The following SESN1 variants were observed in gnomAD, a reference collection of about 807,000 sequenced individuals.
The protein encoded by SESN1 is sestrin-1.
SESN1 carries 30 observed loss-of-function variants against 59.3 expected under a neutral mutation model. That is an observed-to-expected ratio of 0.51 (90% CI 0.38 to 0.69). SESN1 has a LOEUF of 0.69. Ranked by LOEUF, SESN1 falls within the 30% of genes least tolerant of loss-of-function variation. The pLI is 0.00. For synonymous variants in SESN1, 197 were observed against 219.9 expected (o/e 0.90, Z 0.92); for missense variants, 566 against 673.0 (o/e 0.84, Z 1.76).
At chr6:109,043,334 T>C (rs1181039183) in intron 1 of SESN1, among the ~76,000 whole-genome samples, 1 of 152,092 alleles carries the variant, frequency 6.6e-6, no homozygotes, top group East Asian at 1.9e-4. Context: ...CTGGAAGTTC[T>C]AGTCAGGGCA....
intron 1 of SESN1, among the ~76,000 whole-genome samples, chr6:109,017,433 C>T (rs1408209456): frequency 6.6e-6 from 1 of 152,028 alleles, no homozygotes; most frequent in African/African-American, 2.4e-5. Flanking sequence ...CTACAGGCAC[C>T]CACCACCACA....
intron 8 of SESN1, 141 bp from the exon 9 acceptor site, chr6:108,988,828 A>G (rs1162826907): frequency 6.7e-6 from 4 of 596,746 alleles, no homozygotes; most frequent in African/African-American, 5.7e-5. Context: ...ATAGAGCTTT[A>G]TAACTGCAGA....
chr6:109,014,507 A>G (rs1344091780), intron 1 of SESN1, among the ~76,000 whole-genome samples: 1 of 152,238 alleles, frequency 6.6e-6, no homozygotes, highest in Admixed American at 6.5e-5. Flanking sequence ...TACCGAATAT[A>G]TATTTACAAT....
chr6:108,989,786 T>C (rs1001198909), intron 8 of SESN1, among the ~76,000 whole-genome samples: 9 of 152,178 alleles, frequency 5.9e-5, no homozygotes, highest in Non-Finnish European at 8.8e-5. Flanking sequence ...GATGGCTGCA[T>C]GCACCAGTTG....
intron 1 of SESN1, among the ~76,000 whole-genome samples, chr6:109,030,568 A>G (rs1184511064): frequency 1.3e-5 from 2 of 152,206 alleles, no homozygotes; most frequent in Admixed American, 1.3e-4. Flanking sequence ...GGTGAAAAAG[A>G]GGAAGAATAA....
In SESN1 at chr6:109,022,549, C is replaced by T. The variant is rs144176720; in HGVS notation, c.280-20206G>A. Among the ~76,000 whole-genome samples the T allele has an allele frequency of 8.8e-3, 1,315 of 149,856 alleles. 25 individuals are homozygous for T. Among genetic ancestry groups the T allele is most frequent in the African/African-American group, 0.031 (1,247 of 40,812 alleles). On this transcript the variant is annotated intron_variant, in intron 1 of 9. Coordinates refer to ENST00000436639, the MANE Select transcript of SESN1 (RefSeq NM_014454.3). ...GCCATTCTCCTGCCTCAGCCTCCTA[C>T]AGGTGCCCACCACCACGCCCGGCTA...
In SESN1 at chr6:109,084,058, C is replaced by T. The variant is rs80041468; in HGVS notation, c.279+9737G>A. On this transcript the variant is annotated intron_variant, in intron 1 of 9. Coordinates refer to ENST00000436639, the MANE Select transcript of SESN1 (RefSeq NM_014454.3). ...ATATTACAATAAAAGTAAAAATTATCCTACCCATATGTTTAATTTTTCAAG... is the reference window on the plus strand; with the variant it reads ...ATATTACAATAAAAGTAAAAATTATTCTACCCATATGTTTAATTTTTCAAG... Among the ~76,000 whole-genome samples, 1,417 of 152,168 alleles carry T rather than the reference C, an allele frequency of 9.3e-3. 22 individuals are homozygous for T. The highest frequency in any genetic ancestry group is 0.033 in the African/African-American group (1,363 of 41,514).
intron 1 of SESN1, among the ~76,000 whole-genome samples, chr6:109,085,473 C>T (rs1249975695): frequency 6.6e-6 from 1 of 151,936 alleles, no homozygotes; most frequent in Non-Finnish European, 1.5e-5. Flanking sequence ...GAGCCGAGGT[C>T]GCACCACTGC....
At chr6:109,074,240 C>T (rs1780990542) in intron 1 of SESN1, among the ~76,000 whole-genome samples, 1 of 152,128 alleles carries the variant, frequency 6.6e-6, no homozygotes, top group African/African-American at 2.4e-5. Flanking sequence ...CCTAACAATG[C>T]ATTTCTCAGA....
In SESN1 at chr6:108,998,840, A is replaced by C; in HGVS notation, c.730-85T>G. The C allele has an allele frequency of 2.8e-6, 4 of 1,418,948 alleles. No homozygotes were observed. The South Asian group carries it at 5.7e-5, about 20-fold the overall frequency. 87.9% of individuals were successfully genotyped at this position (1,418,948 alleles called of 1,614,324 possible). On this transcript the variant is annotated intron_variant, in intron 4 of 9. Transcript: ENST00000436639. ...TTCATTTTAGTATTTAATTTATTGAAAACATGAGTCATCATACAAAGCCTA... is the reference window on the plus strand; with the variant it reads ...TTCATTTTAGTATTTAATTTATTGACAACATGAGTCATCATACAAAGCCTA...
chr6:109,047,009 T>TC (rs1780456259), intron 1 of SESN1, among the ~76,000 whole-genome samples: 1 of 46,190 alleles, frequency 2.2e-5, no homozygotes, highest in Non-Finnish European at 4.2e-5. Flanking sequence ...GTCAGCCCCC[T>TC]GCCCGGCCAG....
intron 1 of SESN1, among the ~76,000 whole-genome samples, chr6:109,089,965 C>A (rs889365921): frequency 6.6e-6 from 1 of 152,186 alleles, no homozygotes; most frequent in South Asian, 2.1e-4. Flanking sequence ...AATCACTATA[C>A]TACCTTGCTC....
intron 1 of SESN1, among the ~76,000 whole-genome samples, chr6:109,044,923 T>C (rs1583284731): frequency 2.6e-5 from 4 of 151,906 alleles, no homozygotes; most frequent in Admixed American, 2.6e-4. Context: ...CTTGGGCAGC[T>C]GAGGCAAGAG....
chr6:109,041,970 T>G (rs1780349879), intron 1 of SESN1, among the ~76,000 whole-genome samples: 2 of 152,078 alleles, frequency 1.3e-5, no homozygotes, highest in African/African-American at 4.8e-5. Flanking sequence ...TGAATATATT[T>G]AAAAGAATGA....
At chr6:109,085,849 T>C (rs1409950541) in intron 1 of SESN1, among the ~76,000 whole-genome samples, 1 of 152,186 alleles carries the variant, frequency 6.6e-6, no homozygotes, top group Non-Finnish European at 1.5e-5. Flanking sequence ...AGCAGCACTT[T>C]CATCCTTCTA....
rs1242989388 is a variant in SESN1 at position 108,985,183 on chromosome 6, TTACTTATC to T, written c.*2353_*2360del. Among the ~76,000 whole-genome samples, 1 of 152,200 alleles carries T rather than the reference TTACTTATC, an allele frequency of 6.6e-6. No individual in the cohort carries two copies. Among genetic ancestry groups the T allele is most frequent in the Non-Finnish European group, 1.5e-5 (1 of 68,028 alleles). On this transcript the variant is annotated 3_prime_UTR_variant, in exon 10 of 10. Transcript: ENST00000436639. ...ATAAAAAGTGCTTATCCAACAAGTT[TTACTTATC>T]TACTTATCTCCTGGTGGTCTGTATC...
At chr6:109,087,313 G>T (rs1298275704) in intron 1 of SESN1, among the ~76,000 whole-genome samples, 2 of 151,210 alleles carry the variant, frequency 1.3e-5, no homozygotes, top group Non-Finnish European at 2.9e-5. Flanking sequence ...AAGTCAGAAA[G>T]TGAAAAAAAA....
chr6:108,994,666 A>G, intron 5 of SESN1, 57 bp from the exon 6 acceptor site: 3 of 1,112,162 alleles, frequency 2.7e-6, no homozygotes, highest in Non-Finnish European at 3.8e-6. Context: ...TATATGAATT[A>G]TCTTTTAAGT....
chr6:109,052,707 ATTGAAT>A (rs1380157523), intron 1 of SESN1, among the ~76,000 whole-genome samples: 1 of 152,210 alleles, frequency 6.6e-6, no homozygotes, highest in Non-Finnish European at 1.5e-5. Flanking sequence ...AGTCATTGAT[ATTGAAT>A]TTGTGATTTA....
Sources: allele counts gnomAD v4.1 joint callset (sites outside exome capture counted in the v4.1 genomes callset), GRCh38; gene constraint gnomAD v4.1.1; transcripts MANE v1.5; gene names NCBI Gene and HGNC (gene_info 2026-07-23, HGNC 2026-07-21).